Variants in SCUBE1 observed in about 807,000 individuals in gnomAD.
The protein encoded by SCUBE1 is signal peptide, CUB and EGF-like domain-containing protein 1.
Under a neutral mutation model 124.4 loss-of-function variants are expected in SCUBE1, and 59 were observed. The observed-to-expected ratio is 0.47, with a 90% CI of 0.38 to 0.59. SCUBE1 has a LOEUF of 0.59. SCUBE1 is among the 20% of genes least tolerant of loss of function. The pLI is 0.00. For missense variants in SCUBE1, 1,150 were observed against 1,371.2 expected, an observed-to-expected ratio of 0.84 and a Z score of 2.55; for synonymous variants, 545 against 550.9, an observed-to-expected ratio of 0.99 and a Z score of 0.15.
At chr22:43,333,729 C>T (rs929325880) in intron 2 of SCUBE1, among the ~76,000 whole-genome samples, 1 of 152,236 alleles carries the variant, frequency 6.6e-6, no homozygotes, top group East Asian at 1.9e-4. Context: ...GAGGAGAGAC[C>T]TTCGGAACTG....
At chr22:43,305,387 C>G (rs898797336) in intron 3 of SCUBE1, among the ~76,000 whole-genome samples, 1 of 152,160 alleles carries the variant, frequency 6.6e-6, no homozygotes, top group Non-Finnish European at 1.5e-5. Flanking sequence ...TCTGGCAGGC[C>G]TGAGAGTTGG....
chr22:43,307,027 C>T (rs1442136290), intron 3 of SCUBE1, among the ~76,000 whole-genome samples: 2 of 152,250 alleles, frequency 1.3e-5, no homozygotes, highest in Non-Finnish European at 2.9e-5. Flanking sequence ...ACATTCTACC[C>T]CGTTACCCTG....
chr22:43,223,221 G>A lies in SCUBE1; in HGVS notation c.1208-5C>T, dbSNP rs373325677. 1.3e-6 allele frequency: 2 copies of A among 1,569,714 alleles called. No individual in the cohort carries two copies. Among genetic ancestry groups the A allele is most frequent in the African/African-American group, 2.8e-5 (2 of 71,840 alleles). On this transcript the variant is annotated splice_region_variant and splice_polypyrimidine_tract_variant and intron_variant, in intron 10 of 21. Coordinates refer to ENST00000360835, the MANE Select transcript of SCUBE1 (RefSeq NM_173050.5). ...GAGAAAGACACTTGCCTGTCTCTAT[G>A]AAGGGAGATACGAGAGAGGGCTGAG...
At position 43,307,449 on chromosome 22, in the gene SCUBE1, C is replaced by T. The variant is rs565721498; in HGVS notation, c.349+12488G>A. Among the ~76,000 whole-genome samples the T allele has an allele frequency of 2.0e-4, 31 of 152,326 alleles. No homozygotes were observed. In the South Asian group the frequency reaches 5.8e-3, roughly 29 times the overall value. ...TGCTGGAGATTACAGTTCTGAGAAA[C>T]AAGGAGAGCTGCGCAGACAACGACT... On this transcript the variant is annotated intron_variant, in intron 3 of 21. Transcript: ENST00000360835.
In SCUBE1 at chr22:43,202,985, T is replaced by C. The variant is rs1324691294; in HGVS notation, c.*1012A>G. ...GCAAGAGCCAAGGCCCCTTTCGCCG[T>C]TTATTGCTGGGCCCCTGCACCTCCT... On this transcript the variant is annotated 3_prime_UTR_variant, in exon 22 of 22. Coordinates refer to ENST00000360835, the MANE Select transcript of SCUBE1 (RefSeq NM_173050.5). 6.6e-6 allele frequency: 1 copy of C among 152,272 alleles called. No homozygotes were observed. The highest frequency in any genetic ancestry group is 6.5e-5 in the Admixed American group (1 of 15,282). 9.4% of individuals were successfully genotyped at this position (152,272 alleles called of 1,614,324 possible).
intron 21 of SCUBE1, 124 bp downstream of exon 21, chr22:43,207,410 C>G: frequency 4.0e-6 from 3 of 742,786 alleles, no homozygotes; most frequent in Non-Finnish European, 7.2e-6. Context: ...CCTCCTGCTC[C>G]TCTCCCATCA....
intron 21 of SCUBE1, 140 bp from the exon 22 acceptor site, chr22:43,204,289 G>C (rs1921129394): frequency 1.5e-6 from 1 of 665,742 alleles, no homozygotes; most frequent in Non-Finnish European, 2.6e-6. Flanking sequence ...GGTTTTAATA[G>C]TATAACTGGT....
intron 2 of SCUBE1, among the ~76,000 whole-genome samples, chr22:43,333,287 G>C (rs895704798): frequency 2.0e-5 from 3 of 152,212 alleles, no homozygotes; most frequent in African/African-American, 7.2e-5. Context: ...GCTGTCTGAG[G>C]CACTCACCTG....
intron 3 of SCUBE1, among the ~76,000 whole-genome samples, chr22:43,301,352 C>T (rs1451732785): frequency 2.0e-5 from 3 of 152,116 alleles, no homozygotes; most frequent in Non-Finnish European, 4.4e-5. Flanking sequence ...CTCCCTTTCC[C>T]GGCCACCAAG....
chr22:43,251,866 G>C (rs1923463467), intron 6 of SCUBE1, among the ~76,000 whole-genome samples: 1 of 152,210 alleles, frequency 6.6e-6, no homozygotes, highest in Non-Finnish European at 1.5e-5. Flanking sequence ...CCAGGGAGAG[G>C]GGCTTGATTG....
At chr22:43,206,249 C>T (rs1030177746) in intron 21 of SCUBE1, among the ~76,000 whole-genome samples, 1 of 150,052 alleles carries the variant, frequency 6.7e-6, no homozygotes, top group Non-Finnish European at 1.5e-5. Flanking sequence ...AGCACACACA[C>T]CCCTACATAC....
rs1188413929 is a variant in SCUBE1, at chr22:43,199,771, G to GTGTGGC, written c.*4220_*4225dup. ...CTGCTGCTTGAGAGGAGGGAGGTTG[G>GTGTGGC]TGTGGCTGTGGCTGTGAGGCTCTGG... On this transcript the variant is annotated 3_prime_UTR_variant, in exon 22 of 22. Coordinates refer to ENST00000360835, the MANE Select transcript of SCUBE1 (RefSeq NM_173050.5). 1 of 157,660 alleles carries GTGTGGC rather than the reference G, an allele frequency of 6.3e-6. No homozygotes were observed. The highest frequency in any genetic ancestry group is 1.4e-5 in the Non-Finnish European group (1 of 71,094). 9.8% of individuals were successfully genotyped at this position (157,660 alleles called of 1,614,324 possible).
chr22:43,322,473 A>G (rs1926590715), intron 2 of SCUBE1, among the ~76,000 whole-genome samples: 1 of 152,142 alleles, frequency 6.6e-6, no homozygotes, highest in Admixed American at 6.5e-5. Flanking sequence ...ATCCCGGTGA[A>G]TATTGTTTTC....
intron 6 of SCUBE1, among the ~76,000 whole-genome samples, chr22:43,240,674 A>T (rs558857650): frequency 4.5e-4 from 69 of 152,330 alleles, no homozygotes; most frequent in African/African-American, 1.2e-3. Context: ...GGCGGAGGTG[A>T]GGGTCAAATC....
At chr22:43,281,586 TTC>T (rs1924906810) in intron 4 of SCUBE1, among the ~76,000 whole-genome samples, 1 of 110,074 alleles carries the variant, frequency 9.1e-6, no homozygotes, top group Admixed American at 8.0e-5. Flanking sequence ...GTCACCTCCC[TTC>T]TCAGCCACCC....
intron 4 of SCUBE1, among the ~76,000 whole-genome samples, chr22:43,269,049 C>T (rs1924187348): frequency 6.6e-6 from 1 of 152,172 alleles, no homozygotes; most frequent in Non-Finnish European, 1.5e-5. Context: ...CCCGGCTATA[C>T]TTTCATTCAC....
intron 15 of SCUBE1, among the ~76,000 whole-genome samples, chr22:43,217,610 C>T (rs1039987263): frequency 1.3e-5 from 2 of 152,190 alleles, no homozygotes; most frequent in African/African-American, 4.8e-5. Flanking sequence ...TGGTGTCTGC[C>T]AGGCCCCATC....
chr22:43,324,512 C>G (rs185985779), intron 2 of SCUBE1, among the ~76,000 whole-genome samples: 277 of 152,322 alleles, frequency 1.8e-3, no homozygotes, highest in Middle Eastern at 3.4e-3. Flanking sequence ...ACCAAACCTT[C>G]CCTGATTTTC....
At chr22:43,225,270 C>T (rs1207434193) in intron 10 of SCUBE1, among the ~76,000 whole-genome samples, 2 of 152,014 alleles carry the variant, frequency 1.3e-5, no homozygotes, top group South Asian at 2.1e-4. Flanking sequence ...GAAATCAGAT[C>T]TCTAATGCTG....
Sources: gnomAD v4.1 joint callset for allele counts (sites outside exome capture counted in the v4.1 genomes callset) on GRCh38, gnomAD v4.1.1 for gene constraint, MANE v1.5 for transcripts, NCBI Gene and HGNC (gene_info 2026-07-23, HGNC 2026-07-21) for gene names.